SLC35F3: variants seen among roughly 807,000 people sequenced by gnomAD.
SLC35F3 encodes putative thiamine transporter SLC35F3.
SLC35F3 carries 25 observed loss-of-function variants against 49.9 expected under a neutral mutation model. The ratio of observed to expected loss-of-function variants is 0.50; its 90% CI spans 0.37 to 0.70. SLC35F3 has a LOEUF of 0.70. Ranked by LOEUF, SLC35F3 falls within the 30% of genes least tolerant of loss-of-function variation. The probability of loss-of-function intolerance (pLI) is 0.00; values close to 1 mark genes in which losing one functional copy is unlikely to be tolerated. For synonymous variants in SLC35F3, 275 were observed against 265.4 expected, an observed-to-expected ratio of 1.04 and a Z score of -0.35; for missense variants, 525 against 639.8, an observed-to-expected ratio of 0.82 and a Z score of 1.94.
intron 2 of SLC35F3, among the ~76,000 whole-genome samples, chr1:234,219,236 A>T (rs765902421): frequency 1.3e-5 from 2 of 152,038 alleles, no homozygotes; most frequent in Non-Finnish European, 2.9e-5. Context: ...TGTTCCTGTC[A>T]ACAGGATAAG....
intron 2 of SLC35F3, among the ~76,000 whole-genome samples, chr1:233,906,619 T>C (rs557728694): frequency 1.3e-4 from 20 of 152,336 alleles, no homozygotes; most frequent in Non-Finnish European, 2.8e-4. Context: ...GGCCTTGACG[T>C]CTTTCATTTG....
At chr1:234,090,813 A>C (rs949567667) in intron 2 of SLC35F3, among the ~76,000 whole-genome samples, 4 of 152,222 alleles carry the variant, frequency 2.6e-5, no homozygotes, top group African/African-American at 9.6e-5. Context: ...AGCACCTGTT[A>C]AGTCAATGAC....
chr1:234,169,012 C>A (rs1300195250), intron 2 of SLC35F3, among the ~76,000 whole-genome samples: 2 of 152,062 alleles, frequency 1.3e-5, no homozygotes, highest in Non-Finnish European at 2.9e-5. Context: ...AAATTCAGAC[C>A]AAGTATAAAG....
intron 7 of SLC35F3, among the ~76,000 whole-genome samples, chr1:234,321,260 A>G (rs1483881802): frequency 2.6e-5 from 4 of 152,202 alleles, no homozygotes; most frequent in Admixed American, 6.5e-5. Flanking sequence ...AGGTGTCAGG[A>G]GACAGGGCTC....
chr1:234,040,649 A>G (rs1664205961), intron 2 of SLC35F3, among the ~76,000 whole-genome samples: 1 of 152,222 alleles, frequency 6.6e-6, no homozygotes, highest in East Asian at 1.9e-4. Context: ...GGATGAAACC[A>G]CAGAGCCTCA....
chr1:234,277,534 CCTTTA>C (rs1387288738), intron 3 of SLC35F3, among the ~76,000 whole-genome samples: 1 of 152,140 alleles, frequency 6.6e-6, no homozygotes, highest in Middle Eastern at 3.2e-3. Flanking sequence ...CATTTCTGGC[CCTTTA>C]CTTTAGTACT....
At chr1:234,009,078 C>G (rs1663674439) in intron 2 of SLC35F3, among the ~76,000 whole-genome samples, 1 of 152,174 alleles carries the variant, frequency 6.6e-6, no homozygotes, top group South Asian at 2.1e-4. Flanking sequence ...TGCTAAATAT[C>G]AGAGAAATGT....
chr1:234,162,163 G>T (rs1666237630), intron 2 of SLC35F3, among the ~76,000 whole-genome samples: 1 of 151,760 alleles, frequency 6.6e-6, no homozygotes, highest in African/African-American at 2.4e-5. Flanking sequence ...CCCAGCCTGT[G>T]GTGTAGATTC....
At chr1:233,984,683 C>A (rs964759566) in intron 2 of SLC35F3, among the ~76,000 whole-genome samples, 16 of 152,138 alleles carry the variant, frequency 1.1e-4, no homozygotes, top group African/African-American at 3.4e-4. Context: ...GAGTGTGACT[C>A]CCTCCAGGAC....
In SLC35F3 at chr1:234,059,616, C is replaced by CA. The variant is rs199512335; in HGVS notation, c.283+153858_283+153859insA. Among the ~76,000 whole-genome samples the CA allele has an allele frequency of 2.2e-4, 30 of 135,348 alleles. No homozygotes were observed. The South Asian group carries it at 6.0e-3, about 27-fold the overall frequency. The allele number at this position is 135,348 out of a possible 152,430, so 88.8% of individuals were successfully genotyped here. A position where few individuals can be genotyped will look rare whatever the true frequency, so the allele number is the denominator to read the frequency against. On this transcript the variant is annotated intron_variant, in intron 2 of 7. Transcript: ENST00000366618. ...CTAGAGCTAGAGACATAGACATAGA[C>CA]TAGACATAGACATAGACATAGACAT...
chr1:234,224,870 T>C (rs1008073815), intron 2 of SLC35F3, among the ~76,000 whole-genome samples: 1 of 152,176 alleles, frequency 6.6e-6, no homozygotes, highest in Non-Finnish European at 1.5e-5. Context: ...GTGGTGTATG[T>C]ATTGGGTGTC....
Position 234,324,477 on chromosome 1 carries a change from T to C in SLC35F3, c.*1234T>C, listed in dbSNP as rs979913156. 6.6e-6 allele frequency: 1 copy of C among 152,204 alleles called. No homozygotes were observed. The allele number at this position is 152,204 out of a possible 1,614,324, so 9.4% of individuals were successfully genotyped here. On this transcript the variant is annotated 3_prime_UTR_variant, in exon 8 of 8. Transcript: ENST00000366618. ...TTATTCTCAGTTTCCATTACCTGTT[T>C]GGCCAAACAGATTAATAAAATATTT...
intron 2 of SLC35F3, among the ~76,000 whole-genome samples, chr1:234,020,930 A>T (rs1178702880): frequency 6.6e-6 from 1 of 152,208 alleles, no homozygotes; most frequent in Non-Finnish European, 1.5e-5. Flanking sequence ...CTACTTTGAG[A>T]TGCTCGAAAT....
intron 2 of SLC35F3, among the ~76,000 whole-genome samples, chr1:234,134,026 G>A (rs1665771665): frequency 6.6e-6 from 1 of 152,184 alleles, no homozygotes; most frequent in African/African-American, 2.4e-5. Context: ...AAAGCGTATA[G>A]ACCATATGTC....
intron 2 of SLC35F3, among the ~76,000 whole-genome samples, chr1:233,980,204 C>A (rs1222336120): frequency 6.6e-6 from 1 of 152,204 alleles, no homozygotes; most frequent in African/African-American, 2.4e-5. Context: ...GAAGAAATTA[C>A]AGATTCTCAA....
intron 2 of SLC35F3, among the ~76,000 whole-genome samples, chr1:233,974,828 CA>C (rs1167008280): frequency 1.3e-5 from 2 of 152,172 alleles, no homozygotes; most frequent in African/African-American, 4.8e-5. Flanking sequence ...TTACTATGCA[CA>C]AGAGATGTAG....
At chr1:234,313,667 G>T (rs1381188087) in intron 4 of SLC35F3, among the ~76,000 whole-genome samples, 1 of 152,072 alleles carries the variant, frequency 6.6e-6, no homozygotes, top group Non-Finnish European at 1.5e-5. Context: ...GAGCTCCGTT[G>T]TCATGATTCC....
At chr1:234,281,291 A>G (rs1668321673) in intron 3 of SLC35F3, among the ~76,000 whole-genome samples, 1 of 152,202 alleles carries the variant, frequency 6.6e-6, no homozygotes, top group Non-Finnish European at 1.5e-5. Context: ...ATGGCCATCT[A>G]CAAGCAAAGG....
intron 2 of SLC35F3, among the ~76,000 whole-genome samples, chr1:234,178,863 T>C (rs1391665081): frequency 1.3e-5 from 2 of 151,884 alleles, no homozygotes; most frequent in Non-Finnish European, 2.9e-5. Context: ...TCTAATGACA[T>C]GTGTATCTAT....
Sources: allele counts gnomAD v4.1 joint callset (sites outside exome capture counted in the v4.1 genomes callset), GRCh38; gene constraint gnomAD v4.1.1; transcripts MANE v1.5; gene names NCBI Gene and HGNC (gene_info 2026-07-23, HGNC 2026-07-21).